Variants in ATAD2B observed in about 807,000 individuals in gnomAD.
ATAD2B encodes ATPase family AAA domain containing 2B.
ATAD2B carries 40 observed loss-of-function variants against 167.6 expected under a neutral mutation model. The ratio of observed to expected loss-of-function variants is 0.24; its 90% CI spans 0.19 to 0.31. The LOEUF (loss-of-function observed/expected upper bound fraction) is 0.31, where lower values mean the gene tolerates loss of function less well. Among genes scored for constraint, ATAD2B ranks in the 10% least tolerant of loss-of-function variants. The pLI is 1.00. For missense variants in ATAD2B, 1,242 were observed against 1,757.2 expected (o/e 0.71, Z 5.24); for synonymous variants, 579 against 596.5 (o/e 0.97, Z 0.43).
In ATAD2B at chr2:23,898,662, C is replaced by CT. The variant is rs1700419687; in HGVS notation, c.217-2693dup. On this transcript the variant is annotated intron_variant, in intron 1 of 27. Coordinates refer to ENST00000238789, the MANE Select transcript of ATAD2B (RefSeq NM_017552.4). ...TTTAAATATTTTACAGAGTTTGACTCTTTTTGTCAAGAAGTATCTATAATC... is the reference window on the plus strand; with the variant it reads ...TTTAAATATTTTACAGAGTTTGACTCTTTTTTGTCAAGAAGTATCTATAATC... 3.3e-5 allele frequency among the ~76,000 whole-genome samples: 5 copies of CT among 152,274 alleles called. No homozygotes were observed. In the South Asian group the frequency reaches 1.0e-3, roughly 32 times the overall value.
intron 20 of ATAD2B, chr2:23,788,071 A>C (rs978715933): frequency 2.6e-5 from 4 of 155,904 alleles, no homozygotes; most frequent in African/African-American, 7.2e-5. Context: ...TTGAAAAGTC[A>C]ATCAATAAAT....
chr2:23,906,778 T>G (rs1282697988), intron 1 of ATAD2B, among the ~76,000 whole-genome samples: 1 of 151,894 alleles, frequency 6.6e-6, no homozygotes, highest in Non-Finnish European at 1.5e-5. Flanking sequence ...CATGATCAAG[T>G]GGGCTTCATC....
intron 6 of ATAD2B, 35 bp from the exon 7 acceptor site, chr2:23,880,790 C>T: frequency 3.9e-6 from 5 of 1,274,972 alleles, no homozygotes; most frequent in Non-Finnish European, 5.6e-6. Context: ...AAGAAAAAGG[C>T]ATTATTTTAA....
chr2:23,758,274 G>T (rs1162480426), intron 24 of ATAD2B, among the ~76,000 whole-genome samples, 173 bp from the exon 25 acceptor site: 1 of 152,138 alleles, frequency 6.6e-6, no homozygotes, highest in African/African-American at 2.4e-5. Context: ...CAAATGGAAT[G>T]GATATGAAGT....
chr2:23,802,483 T>C (rs1280186769), intron 18 of ATAD2B, among the ~76,000 whole-genome samples: 1 of 152,090 alleles, frequency 6.6e-6, no homozygotes, highest in East Asian at 1.9e-4. Flanking sequence ...ACACCTGTAC[T>C]AGTTTCTGAA....
chr2:23,678,867 T>A, the ATAD2B span, among the ~76,000 whole-genome samples: 1 of 152,008 alleles, frequency 6.6e-6, no homozygotes, highest in Non-Finnish European at 1.5e-5. Flanking sequence ...GTCAAACTCA[T>A]AGAGACAGAA....
intron 18 of ATAD2B, among the ~76,000 whole-genome samples, chr2:23,808,112 T>TATATATAATTATATATATAAGTAATTAA (rs1451778365): frequency 8.2e-6 from 1 of 121,810 alleles, no homozygotes; most frequent in African/African-American, 3.3e-5. Context: ...TAAGTAATTA[T>TATATATAATTATATATATAAGTAATTAA]ATATATAATT....
the ATAD2B span, chr2:23,690,180 C>G: frequency 6.6e-6 from 1 of 152,254 alleles, no homozygotes; most frequent in African/African-American, 2.4e-5. Flanking sequence ...GAGAATGTCG[C>G]TCTAATGGTG....
chr2:23,804,614 T>A (rs1684041734), intron 18 of ATAD2B, among the ~76,000 whole-genome samples: 1 of 150,026 alleles, frequency 6.7e-6, no homozygotes, highest in African/African-American at 2.5e-5. Flanking sequence ...GACCAGAGGA[T>A]GAAGTTAGAA....
At chr2:23,729,099 A>T in the ATAD2B span, among the ~76,000 whole-genome samples, 14 of 152,262 alleles carry the variant, frequency 9.2e-5, no homozygotes, top group East Asian at 2.7e-3. Flanking sequence ...AGTGAGGGGG[A>T]TGTCTGTCCC....
the ATAD2B span, among the ~76,000 whole-genome samples, chr2:23,728,333 CTTGT>C: frequency 2.1e-4 from 32 of 152,214 alleles, no homozygotes; most frequent in African/African-American, 7.5e-4. Flanking sequence ...ATGTACAACA[CTTGT>C]TTATTTTAGC....
At chr2:23,816,657 A>AT (rs1331309420) in intron 17 of ATAD2B, among the ~76,000 whole-genome samples, 2 of 152,064 alleles carry the variant, frequency 1.3e-5, no homozygotes, top group East Asian at 3.9e-4. Flanking sequence ...TGGGGCTTTA[A>AT]TTTTTACTTT....
In ATAD2B at chr2:23,754,638, T is replaced by C; in HGVS notation, c.4206+9A>G. 1.2e-6 allele frequency: 2 copies of C among 1,608,786 alleles called. No homozygotes were observed. Among genetic ancestry groups the C allele is most frequent in the Non-Finnish European group, 1.7e-6 (2 of 1,178,006 alleles). On this transcript the variant is annotated intron_variant, in intron 26 of 27. Transcript: ENST00000238789. ...CATTTAAAACTTGACTGGGAATAGC[T>C]AAGCTTACCTTCAATCTCTCACGAT...
At chr2:23,731,999 CTTAATGAGATA>C in the ATAD2B span, among the ~76,000 whole-genome samples, 2,311 of 149,956 alleles carry the variant, frequency 0.015, 61 homozygotes, top group African/African-American at 0.054. Flanking sequence ...AAAAAAAACT[CTTAATGAGATA>C]TTTCATATTA....
the ATAD2B span, among the ~76,000 whole-genome samples, chr2:23,711,342 C>CTTTTTTTT: frequency 2.8e-4 from 22 of 79,792 alleles, 3 homozygotes; most frequent in African/African-American, 3.5e-4. Context: ...GAATTTCTTT[C>CTTTTTTTT]TTTTTTTTTT....
chr2:23,810,287 G>A (rs936638470), intron 18 of ATAD2B, 29 bp downstream of exon 18: 2 of 1,568,716 alleles, frequency 1.3e-6, no homozygotes, highest in Admixed American at 3.4e-5. Flanking sequence ...TAAGAAAGTT[G>A]GAAGTGCTCT....
At chr2:23,799,755 T>A in intron 18 of ATAD2B, 1 of 152,034 alleles carries the variant, frequency 6.6e-6, no homozygotes, top group East Asian at 1.9e-4. Flanking sequence ...GTACTGCCAA[T>A]TCAATAATAA....
chr2:23,691,882 C>A, the ATAD2B span: 1 of 1,547,776 alleles, frequency 6.5e-7, no homozygotes. Flanking sequence ...TCTCGGTGAG[C>A]CCGGGGGCCA....
intron 19 of ATAD2B, among the ~76,000 whole-genome samples, chr2:23,789,252 T>C (rs967757521): frequency 1.3e-5 from 2 of 152,172 alleles, no homozygotes; most frequent in Middle Eastern, 3.2e-3. Context: ...CTCTTCTGTT[T>C]ACCTACTCAG....
Sources: allele counts gnomAD v4.1 joint callset (sites outside exome capture counted in the v4.1 genomes callset), GRCh38; gene constraint gnomAD v4.1.1; transcripts MANE v1.5; gene names NCBI Gene and HGNC (gene_info 2026-07-23, HGNC 2026-07-21).